AFAP1L2: variants seen among roughly 807,000 people sequenced by gnomAD.
The protein encoded by AFAP1L2 is actin filament associated protein 1 like 2.
AFAP1L2 carries 46 observed loss-of-function variants against 99.3 expected under a neutral mutation model. The observed-to-expected ratio is 0.46, with a 90% CI of 0.37 to 0.59. The LOEUF (loss-of-function observed/expected upper bound fraction) is 0.59. AFAP1L2 is among the 20% of genes least tolerant of loss of function. The probability of loss-of-function intolerance (pLI) is 0.00; values close to 1 mark genes in which losing one functional copy is unlikely to be tolerated. For missense variants in AFAP1L2, 959 were observed against 1,034.9 expected (o/e 0.93, Z 1.01); for synonymous variants, 397 against 419.1 (o/e 0.95, Z 0.64).
chr10:114,375,362 A>G (rs10749160), intron 1 of AFAP1L2, among the ~76,000 whole-genome samples: 81,927 of 152,090 alleles, frequency 0.54, 23,680 homozygotes, highest in East Asian at 0.68. Context: ...GCCAGCCCCA[A>G]TTCTAGAGCA....
the AFAP1L2 span, chr10:114,286,061 C>T: frequency 6.2e-7 from 1 of 1,614,154 alleles, no homozygotes; most frequent in South Asian, 1.1e-5. Flanking sequence ...GCGGGCCGTG[C>T]TGAGCGAGGA....
At chr10:114,284,516 G>A in the AFAP1L2 span, among the ~76,000 whole-genome samples, 1 of 152,324 alleles carries the variant, frequency 6.6e-6, no homozygotes, top group African/African-American at 2.4e-5. Flanking sequence ...GTAGAACTTA[G>A]AAGACAGGGC....
At position 114,300,273 on chromosome 10, in the gene AFAP1L2, C is replaced by G; in HGVS notation, c.1878G>C (p.Pro626=). ...TGGCCACCACGGCATCCGGGCAGCT[C>G]GGTGGGAAGGAGATTCTCTGCTGTT... is the stretch of plus-strand genomic sequence containing the variant. ...QTEQQRISFP[P]SCPDAVVATP... The change falls in exon 15 of 19, where the codon CCG becomes CCC. Residue 626 remains proline (P), a synonymous_variant. Transcript: ENST00000304129. 4.3e-6 allele frequency: 7 copies of G among 1,614,092 alleles called. No individual in the cohort carries two copies. The highest frequency in any genetic ancestry group is 5.9e-6 in the Non-Finnish European group (7 of 1,180,020).
At position 114,300,244 on chromosome 10, in the gene AFAP1L2, G is replaced by T. The variant is rs140418716; in HGVS notation, c.1907C>A (p.Pro636Gln). The change falls in exon 15 of 19, where the codon CCA becomes CAA. Residue 636 changes from proline to glutamine, a missense_variant. Coordinates refer to ENST00000304129, the MANE Select transcript of AFAP1L2 (RefSeq NM_001001936.3). ...CTTCACAGGTGGGCTGGCACCAGGT[G>T]GGGTGGCCACCACGGCATCCGGGCA... ...PSCPDAVVAT[P>Q]PGASPPVKDR... 2 of 1,614,158 alleles carry T rather than the reference G, an allele frequency of 1.2e-6. No individual in the cohort carries two copies. The highest frequency in any genetic ancestry group is 2.2e-5 in the East Asian group (1 of 44,870).
Position 114,307,923 on chromosome 10 carries a change from A to G in AFAP1L2, c.968-14T>C. On this transcript the variant is annotated splice_polypyrimidine_tract_variant and intron_variant, in intron 9 of 18. Coordinates refer to ENST00000304129, the MANE Select transcript of AFAP1L2 (RefSeq NM_001001936.3). ...ATTTCTTCTTGACTGTCAAGATGAG[A>G]CAGAAAGCAATTCGTATTGCACGTG... 6.2e-7 allele frequency: 1 copy of G among 1,612,520 alleles called. No individual in the cohort carries two copies. Among genetic ancestry groups the G allele is most frequent in the South Asian group, 1.1e-5 (1 of 91,040 alleles).
chr10:114,323,699 C>T (rs1273234402), intron 4 of AFAP1L2, among the ~76,000 whole-genome samples: 3 of 152,144 alleles, frequency 2.0e-5, no homozygotes, highest in Non-Finnish European at 4.4e-5. Flanking sequence ...TTTCTAAATC[C>T]TACACTTTTA....
At chr10:114,363,849 G>C (rs536495201) in intron 1 of AFAP1L2, among the ~76,000 whole-genome samples, 2 of 152,294 alleles carry the variant, frequency 1.3e-5, no homozygotes, top group South Asian at 4.1e-4. Context: ...ACAACCCTAT[G>C]TGAAATATAG....
chr10:114,310,490 A>G (rs1342183566), intron 7 of AFAP1L2, 47 bp from the exon 8 acceptor site: 7 of 1,556,454 alleles, frequency 4.5e-6, no homozygotes, highest in Non-Finnish European at 6.1e-6. Flanking sequence ...TCCTCTGGCC[A>G]GCACTCACAG....
rs928161784 is a variant in AFAP1L2, at chr10:114,377,678, C to T, written c.16+26762G>A. ...AATAATTATTTATTGAGCTGTCATA[C>T]TTCAAGATACAAAAATGAGCAAGAT... On this transcript the variant is annotated intron_variant, in intron 1 of 18. Transcript: ENST00000304129. The surrounding 1 kb of genome is among the most constrained non-coding windows in gnomAD (Gnocchi z 4.0). 2.0e-5 allele frequency among the ~76,000 whole-genome samples: 3 copies of T among 152,182 alleles called. 1 individual carries two copies. Among genetic ancestry groups the T allele is most frequent in the African/African-American group, 7.2e-5 (3 of 41,440 alleles).
At chr10:114,375,173 T>C (rs2054630415) in intron 1 of AFAP1L2, among the ~76,000 whole-genome samples, 1 of 152,110 alleles carries the variant, frequency 6.6e-6, no homozygotes, top group South Asian at 2.1e-4. Flanking sequence ...CGCATGAAAA[T>C]TATATGAAAT....
Position 114,297,398 on chromosome 10 carries a change from G to C in AFAP1L2, c.2129C>G (p.Ala710Gly). The C allele has an allele frequency of 6.2e-7, 1 of 1,612,802 alleles. No homozygotes were observed. Among genetic ancestry groups the C allele is most frequent in the Admixed American group, 1.7e-5 (1 of 59,994 alleles). The change falls in exon 17 of 19, where the codon GCG (alanine) becomes GGG (glycine). Residue 710 changes from alanine to glycine, a missense_variant. Transcript: ENST00000304129. Reference protein sequence around the residue: ...LLKCTDKEVLASLEQKLKEID... With the variant: ...LLKCTDKEVLGSLEQKLKEID... ...TTCCTTCAGCTTCTGCTCCAGGCTC[G>C]CCAGGACTTCCTTGTCTGGAGAGAG...
chr10:114,371,351 C>A (rs1456497208), intron 1 of AFAP1L2, among the ~76,000 whole-genome samples: 1 of 152,054 alleles, frequency 6.6e-6, no homozygotes. Flanking sequence ...TTCAGCTCAG[C>A]TGGGAAGAGG....
chr10:114,343,639 G>A (rs919716703), intron 1 of AFAP1L2, among the ~76,000 whole-genome samples: 1 of 152,222 alleles, frequency 6.6e-6, no homozygotes, highest in Non-Finnish European at 1.5e-5. Flanking sequence ...TGCACAAAGA[G>A]CATGGGTCAC....
intron 1 of AFAP1L2, among the ~76,000 whole-genome samples, chr10:114,400,491 C>T (rs11196725): frequency 6.6e-6 from 1 of 152,164 alleles, no homozygotes; most frequent in African/African-American, 2.4e-5. Flanking sequence ...CATTTGAGAT[C>T]GTTTTTAAGC....
chr10:114,287,043 C>G, the AFAP1L2 span, among the ~76,000 whole-genome samples: 1 of 152,170 alleles, frequency 6.6e-6, no homozygotes, highest in African/African-American at 2.4e-5. Context: ...ACTTGGGATG[C>G]ATTCTGACAT....
intron 1 of AFAP1L2, among the ~76,000 whole-genome samples, chr10:114,347,127 A>G (rs1212241944): frequency 6.6e-6 from 1 of 152,192 alleles, no homozygotes; most frequent in Non-Finnish European, 1.5e-5. Flanking sequence ...CCTCTGCCCC[A>G]ACAGTTCCCA....
intron 5 of AFAP1L2, among the ~76,000 whole-genome samples, chr10:114,320,659 C>T (rs954611556): frequency 2.6e-5 from 4 of 152,228 alleles, no homozygotes; most frequent in African/African-American, 9.6e-5. Context: ...CCCCTAGTCC[C>T]GGCTACGACC....
At chr10:114,311,883 A>G (rs1201076377) in intron 7 of AFAP1L2, among the ~76,000 whole-genome samples, 2 of 152,238 alleles carry the variant, frequency 1.3e-5, no homozygotes, top group African/African-American at 4.8e-5. Flanking sequence ...CAAGGAAGGT[A>G]GATGGGCTTC....
chr10:114,395,400 G>A (rs1331443417), intron 1 of AFAP1L2, among the ~76,000 whole-genome samples: 1 of 152,094 alleles, frequency 6.6e-6, no homozygotes, highest in Non-Finnish European at 1.5e-5. Context: ...CTCTGATACC[G>A]GGGACACGAA....
Sources: gnomAD v4.1 joint callset for allele counts (sites outside exome capture counted in the v4.1 genomes callset) on GRCh38, gnomAD v4.1.1 for gene constraint, Gnocchi (gnomAD v3.1) non-coding constraint, MANE v1.5 for transcripts, NCBI Gene and HGNC (gene_info 2026-07-23, HGNC 2026-07-21) for gene names.